Variants in DRG2 observed in about 807,000 individuals in gnomAD.
The protein encoded by DRG2 is developmentally regulated GTP binding protein 2.
Under a neutral mutation model 53.4 loss-of-function variants are expected in DRG2, and 36 were observed. The observed-to-expected ratio is 0.67, with a 90% CI of 0.52 to 0.89. DRG2 has a LOEUF of 0.89. Among genes scored for constraint, DRG2 ranks in the 40% least tolerant of loss-of-function variants. The pLI is 0.00. For missense variants in DRG2, 342 were observed against 481.2 expected (o/e 0.71, Z 2.71); for synonymous variants, 167 against 192.1 (o/e 0.87, Z 1.08).
chr17:18,091,443 A>T (rs1226064509), intron 1 of DRG2, among the ~76,000 whole-genome samples: 4 of 152,036 alleles, frequency 2.6e-5, no homozygotes, highest in African/African-American at 9.7e-5. Context: ...AAAATTAGCC[A>T]GGCATGGTGG....
rs1555533942 is a variant in DRG2, at chr17:18,098,278, C to A, written c.234C>A (p.Phe78Leu). The A allele has an allele frequency of 6.2e-7, 1 of 1,613,814 alleles. No homozygotes were observed. Among genetic ancestry groups the A allele is most frequent in the East Asian group, 2.2e-5 (1 of 44,868 alleles). The change falls in exon 3 of 13, where the codon TTC (phenylalanine) becomes TTA (leucine). Residue 78 changes from phenylalanine (F) to leucine (L), a missense_variant. Physicochemically the swap from Phe to Leu is conservative, Grantham distance 22. Coordinates refer to ENST00000225729, the MANE Select transcript of DRG2 (RefSeq NM_001388.5). This position sits in a 1 kb window ranked among gnomAD's most constrained non-coding sequence, Gnocchi z 4.1. ...ATCTCCTTTTCTCCTAGTCCACATT[C>A]TTGAGTCTGATGACCTCCACGGCCA... Reference protein sequence around the residue: ...IGFPSVGKSTFLSLMTSTASE... With the variant: ...IGFPSVGKSTLLSLMTSTASE...
In DRG2 at chr17:18,098,466, G is replaced by T; in HGVS notation, c.315+107G>T. The T allele has an allele frequency of 9.8e-6, 10 of 1,015,950 alleles. No homozygotes were observed. The highest frequency in any genetic ancestry group is 1.5e-5 in the Non-Finnish European group (10 of 650,882). 62.9% of individuals were successfully genotyped at this position (1,015,950 alleles called of 1,614,324 possible). ...GTCTGGGTGGATGTCCCCATGTCAG[G>T]ACAGGCTCTGGACTGAGCTGCTTTG... is the stretch of plus-strand genomic sequence containing the variant. On this transcript the variant is annotated intron_variant, in intron 3 of 12. Transcript: ENST00000225729. This position sits in a 1 kb window ranked among gnomAD's most constrained non-coding sequence, Gnocchi z 4.1.
chr17:18,104,478 G>A, intron 10 of DRG2, 145 bp from the exon 11 acceptor site: 1 of 1,474,726 alleles, frequency 6.8e-7, no homozygotes, highest in East Asian at 2.5e-5. Context: ...TCTATGTGGA[G>A]GGTGTGCTGG....
Position 18,103,750 on chromosome 17 carries a change from C to T in DRG2, c.807-51C>T. ...CAATAGTGAGAAGTGGAGACCCCAG[C>T]CTCTGAATTCACAGGGGCCCCTGCC... is the stretch of plus-strand genomic sequence containing the variant. On this transcript the variant is annotated intron_variant, in intron 9 of 12. Transcript: ENST00000225729. The surrounding 1 kb of genome is among the most constrained non-coding windows in gnomAD (Gnocchi z 4.4). 4 of 1,566,192 alleles carry T rather than the reference C, an allele frequency of 2.6e-6. No individual in the cohort carries two copies. The highest frequency in any genetic ancestry group is 3.5e-6 in the Non-Finnish European group (4 of 1,136,934).
intron 2 of DRG2, chr17:18,095,469 A>G (rs1434252261): frequency 7.3e-6 from 1 of 136,156 alleles, no homozygotes; most frequent in African/African-American, 2.8e-5. Flanking sequence ...ATCTCAGCTC[A>G]CTACAACCTC....
At chr17:18,090,670 G>C (rs1292790085) in intron 1 of DRG2, among the ~76,000 whole-genome samples, 2 of 151,796 alleles carry the variant, frequency 1.3e-5, no homozygotes, top group Admixed American at 6.6e-5. Context: ...AAAGTGCTGG[G>C]ATTACAGGCG....
rs756320814 is a variant in DRG2 at position 18,107,182 on chromosome 17, G to A, written c.1037G>A (p.Arg346Gln). The change falls in exon 13 of 13, where the codon CGG becomes CAG. Residue 346 changes from arginine (R) to glutamine (Q), a missense_variant. Arg to Gln is a conservative substitution (Grantham distance 43). Coordinates refer to ENST00000225729, the MANE Select transcript of DRG2 (RefSeq NM_001388.5). ...WGTSTKYSPQ[R>Q]VGLTHTMEHE... ...ACCAGCACCAAGTACAGTCCGCAGC[G>A]GGTGGGCCTGACCCACACCATGGAG... 30 of 1,613,344 alleles carry A rather than the reference G, an allele frequency of 1.9e-5. No homozygotes were observed. The highest frequency in any genetic ancestry group is 2.2e-5 in the South Asian group (2 of 91,092).
rs1240035454 is a variant in DRG2 at position 18,101,572 on chromosome 17, G to T, written c.711G>T (p.Val237=). ...EFIDVIVGNR[V]YMPCLYVYNK... is the part of the protein sequence containing the mutation. ...TCGATGTGATCGTGGGCAACCGGGT[G>T]TACATGCCCTGCCTGTATGTAAGTG... The change falls in exon 8 of 13, where the codon GTG becomes GTT. Residue 237 remains valine, a synonymous_variant. Coordinates refer to ENST00000225729, the MANE Select transcript of DRG2 (RefSeq NM_001388.5). 6.2e-7 allele frequency: 1 copy of T among 1,614,154 alleles called. No homozygotes were observed. Among genetic ancestry groups the T allele is most frequent in the Admixed American group, 1.7e-5 (1 of 60,024 alleles).
At chr17:18,089,900 G>A (rs923026015) in intron 1 of DRG2, among the ~76,000 whole-genome samples, 1 of 152,114 alleles carries the variant, frequency 6.6e-6, no homozygotes, top group Non-Finnish European at 1.5e-5. Flanking sequence ...TCATGGGAAA[G>A]ACTCTGGGTT....
At chr17:18,101,745 G>C (rs2045540765) in intron 8 of DRG2, among the ~76,000 whole-genome samples, 155 bp downstream of exon 8, 1 of 152,162 alleles carries the variant, frequency 6.6e-6, no homozygotes, top group Admixed American at 6.5e-5. Flanking sequence ...TGCAGACATA[G>C]AGAGCTTGAA....
At chr17:18,097,856 C>G (rs1223542972) in intron 2 of DRG2, 1 of 157,148 alleles carries the variant, frequency 6.4e-6, no homozygotes, top group African/African-American at 2.4e-5. Flanking sequence ...CCTTGCACAC[C>G]TCCTTACACC....
chr17:18,094,835 G>A (rs565762386), intron 2 of DRG2, among the ~76,000 whole-genome samples: 3 of 151,620 alleles, frequency 2.0e-5, no homozygotes, highest in Admixed American at 6.6e-5. Flanking sequence ...TTAGCCAGGG[G>A]TGGTGGCGCA....
chr17:18,101,733 C>A, intron 8 of DRG2, 143 bp downstream of exon 8: 1 of 1,070,022 alleles, frequency 9.3e-7, no homozygotes, highest in Non-Finnish European at 1.4e-6. Flanking sequence ...CTGCTTGGAT[C>A]TTGCAGACAT....
chr17:18,097,103 C>T (rs1386398962), intron 2 of DRG2: 1 of 152,086 alleles, frequency 6.6e-6, no homozygotes, highest in Non-Finnish European at 1.5e-5. Flanking sequence ...GTGGGAGGGC[C>T]CAGGTCTTAC....
At chr17:18,102,336 A>G (rs2045552141) in intron 9 of DRG2, among the ~76,000 whole-genome samples, 1 of 152,192 alleles carries the variant, frequency 6.6e-6, no homozygotes, top group South Asian at 2.1e-4. Context: ...AGGCTTCTTA[A>G]CTTAGGCCAG....
At chr17:18,096,944 G>C (rs2045443831) in intron 2 of DRG2, 1 of 152,180 alleles carries the variant, frequency 6.6e-6, no homozygotes, top group South Asian at 2.1e-4. Flanking sequence ...AGTTTTATTT[G>C]TTGTACTGTC....
At chr17:18,095,439 A>G (rs1235559250) in intron 2 of DRG2, 1 of 133,840 alleles carries the variant, frequency 7.5e-6, no homozygotes, top group Admixed American at 8.6e-5. Context: ...TTGTTGCCCA[A>G]GCTGGAGTAC....
At position 18,107,501 on chromosome 17, in the gene DRG2, G is replaced by T; in HGVS notation, c.*261G>T. 1.9e-6 allele frequency: 1 copy of T among 527,518 alleles called. No homozygotes were observed. Among genetic ancestry groups the T allele is most frequent in the Non-Finnish European group, 3.4e-6 (1 of 290,584 alleles). The allele number at this position is 527,518 out of a possible 1,614,324, so 32.7% of individuals were successfully genotyped here. The stretch of plus-strand genomic sequence containing the variant: ...TTTGTAGTGCTGAGCCTGCATCTGT[G>T]CCTCCCAGCCCCCTGCACTGAGGGA... On this transcript the variant is annotated 3_prime_UTR_variant, in exon 13 of 13. Transcript: ENST00000225729.
At position 18,101,533 on chromosome 17, in the gene DRG2, C is replaced by T. The variant is rs770979886; in HGVS notation, c.672C>T (p.Ser224=). ...NAEVLFREDC[S]PDEFIDVIVG... is the part of the protein sequence containing the mutation. The stretch of plus-strand genomic sequence containing the variant: ...AAGTGCTTTTCCGAGAAGACTGCTC[C>T]CCGGACGAGTTCATCGATGTGATCG... Residue 224 remains serine (S), a synonymous_variant, in exon 8 of 13, where the codon TCC becomes TCT. Transcript: ENST00000225729. 30 of 1,614,186 alleles carry T rather than the reference C, an allele frequency of 1.9e-5. No homozygotes were observed. Among genetic ancestry groups the T allele is most frequent in the Middle Eastern group, 1.6e-4 (1 of 6,062 alleles).
Sources: allele counts gnomAD v4.1 joint callset (sites outside exome capture counted in the v4.1 genomes callset), GRCh38; gene constraint gnomAD v4.1.1; non-coding constraint Gnocchi (gnomAD v3.1); transcripts MANE v1.5; gene names NCBI Gene and HGNC (gene_info 2026-07-23, HGNC 2026-07-21).